Variants in ADAMTS6 observed in about 807,000 individuals in gnomAD.
The protein encoded by ADAMTS6 is ADAM metallopeptidase with thrombospondin type 1 motif 6.
Under a neutral mutation model 144.3 loss-of-function variants are expected in ADAMTS6, and 23 were observed. That is an observed-to-expected ratio of 0.16 (90% CI 0.11 to 0.23). The LOEUF is 0.23. Among genes scored for constraint, ADAMTS6 ranks in the 10% least tolerant of loss-of-function variants. The pLI is 1.00. For missense variants in ADAMTS6, 999 were observed against 1,379.6 expected (o/e 0.72, Z 4.37); for synonymous variants, 444 against 457.5 (o/e 0.97, Z 0.38).
chr5:65,154,350 G>T (rs1419194735), intron 24 of ADAMTS6, among the ~76,000 whole-genome samples: 1 of 152,182 alleles, frequency 6.6e-6, no homozygotes, highest in East Asian at 1.9e-4. Flanking sequence ...CTAGCCTGTG[G>T]GCAGGCTGGA....
At chr5:65,426,725 CA>C (rs966973546) in intron 7 of ADAMTS6, among the ~76,000 whole-genome samples, 86 of 151,796 alleles carry the variant, frequency 5.7e-4, no homozygotes, top group African/African-American at 2.1e-3. Context: ...AAAAACAAAA[CA>C]AAACAAAAAG....
intron 7 of ADAMTS6, among the ~76,000 whole-genome samples, chr5:65,418,550 G>A (rs1157692715): frequency 2.6e-5 from 4 of 152,022 alleles, no homozygotes; most frequent in Non-Finnish European, 5.9e-5. Flanking sequence ...CATTTATTGA[G>A]CTTAATAATA....
intron 14 of ADAMTS6, among the ~76,000 whole-genome samples, chr5:65,245,354 C>T (rs1263976844): frequency 1.3e-5 from 2 of 152,088 alleles, no homozygotes; most frequent in East Asian, 1.9e-4. Context: ...GCAACTCAGG[C>T]AGAAGAAGAA....
chr5:65,323,129 A>G (rs1389686054), intron 9 of ADAMTS6, among the ~76,000 whole-genome samples: 2 of 152,092 alleles, frequency 1.3e-5, no homozygotes, highest in African/African-American at 2.4e-5. Flanking sequence ...TTTTATTGTT[A>G]TTATACTTTA....
Position 65,452,850 on chromosome 5 carries a change from T to C in ADAMTS6, c.700A>G (p.Asn234Asp), listed in dbSNP as rs747043426. ...TGTCTGTGGTGGATATGTGTGTTGT[T>C]AATTGGTAGTGAATAAGAAACAGTG... ...TSTVSYSLPI[N>D]NTHIHHRQKR... Residue 234 changes from asparagine (N) to aspartate (D), a missense_variant, in exon 5 of 25, where the codon AAC becomes GAC. By Grantham distance (23) the Asn-to-Asp change is conservative. Coordinates refer to ENST00000381055, the MANE Select transcript of ADAMTS6 (RefSeq NM_197941.4). The C allele has an allele frequency of 7.6e-5, 123 of 1,614,104 alleles. No individual in the cohort carries two copies. The Middle Eastern group carries it at 8.2e-4, about 11-fold the overall frequency.
chr5:65,358,163 G>A (rs1309516109), intron 7 of ADAMTS6, among the ~76,000 whole-genome samples: 2 of 151,866 alleles, frequency 1.3e-5, no homozygotes, highest in Non-Finnish European at 2.9e-5. Context: ...GGGGATGCAG[G>A]ATGGTTCAAC....
intron 9 of ADAMTS6, among the ~76,000 whole-genome samples, chr5:65,310,400 C>T (rs1279930801): frequency 6.6e-6 from 1 of 152,130 alleles, no homozygotes; most frequent in East Asian, 1.9e-4. Context: ...GTAGCACATG[C>T]CTATGGTCCC....
At chr5:65,235,224 C>A (rs181544266) in intron 15 of ADAMTS6, among the ~76,000 whole-genome samples, 3 of 152,114 alleles carry the variant, frequency 2.0e-5, no homozygotes, top group East Asian at 3.9e-4. Flanking sequence ...ATCATACACA[C>A]AAAAAAGGTA....
intron 21 of ADAMTS6, among the ~76,000 whole-genome samples, chr5:65,194,517 T>TA (rs1755213719): frequency 2.0e-5 from 3 of 152,222 alleles, no homozygotes; most frequent in Admixed American, 6.5e-5. Flanking sequence ...CATTTCAACT[T>TA]GCAATGTTTT....
At chr5:65,356,131 AT>A (rs555200871) in intron 7 of ADAMTS6, among the ~76,000 whole-genome samples, 49 of 151,934 alleles carry the variant, frequency 3.2e-4, no homozygotes, top group Middle Eastern at 3.4e-3. Flanking sequence ...GACTAAAAAA[AT>A]GTTCCCCATT....
At chr5:65,311,746 G>A (rs1420765904) in intron 9 of ADAMTS6, among the ~76,000 whole-genome samples, 1 of 151,890 alleles carries the variant, frequency 6.6e-6, no homozygotes, top group Non-Finnish European at 1.5e-5. Flanking sequence ...GGTTCTGTTG[G>A]GAGATTTGTA....
intron 3 of ADAMTS6, 90 bp from the exon 4 acceptor site, chr5:65,460,428 C>T: frequency 8.3e-7 from 1 of 1,199,454 alleles, no homozygotes; most frequent in East Asian, 2.4e-5. Flanking sequence ...TAAATGGACA[C>T]TTCTCCATTT....
intron 7 of ADAMTS6, among the ~76,000 whole-genome samples, chr5:65,346,986 A>G (rs553876087): frequency 6.6e-6 from 1 of 151,948 alleles, no homozygotes; most frequent in South Asian, 2.1e-4. Context: ...ACATTTAGCC[A>G]AAAAGGTGAA....
intron 7 of ADAMTS6, among the ~76,000 whole-genome samples, chr5:65,421,187 T>C (rs1372633409): frequency 6.6e-6 from 1 of 152,256 alleles, no homozygotes; most frequent in Non-Finnish European, 1.5e-5. Context: ...TTCAAGAGGT[T>C]CCATTCTCTT....
In ADAMTS6 at chr5:65,148,998, T is replaced by A. The variant is rs1186866616; in HGVS notation, c.*2838A>T. 1 of 152,612 alleles carries A rather than the reference T, an allele frequency of 6.6e-6. No individual in the cohort carries two copies. The highest frequency in any genetic ancestry group is 1.5e-5 in the Non-Finnish European group (1 of 68,044). 9.5% of individuals were successfully genotyped at this position (152,612 alleles called of 1,614,324 possible). A position where few individuals can be genotyped will look rare whatever the true frequency, so the allele number is the denominator to read the frequency against. ...ACAACTAATCACAATAATACAAAGG[T>A]AATTTCGTTCTGTGTTACTGAGGAT... On this transcript the variant is annotated 3_prime_UTR_variant, in exon 25 of 25. Coordinates refer to ENST00000381055, the MANE Select transcript of ADAMTS6 (RefSeq NM_197941.4).
At chr5:65,460,540 T>C (rs1021902819) in intron 3 of ADAMTS6, among the ~76,000 whole-genome samples, 2 of 152,226 alleles carry the variant, frequency 1.3e-5, no homozygotes, top group Non-Finnish European at 2.9e-5. Flanking sequence ...TTTAAATACC[T>C]CCATATGCTA....
intron 9 of ADAMTS6, among the ~76,000 whole-genome samples, chr5:65,309,388 G>C (rs1355554823): frequency 7.0e-6 from 1 of 142,800 alleles, no homozygotes; most frequent in Non-Finnish European, 1.5e-5. Context: ...AAGGGCTCTC[G>C]CTCCTATGAG....
intron 15 of ADAMTS6, among the ~76,000 whole-genome samples, chr5:65,237,896 G>A (rs1432700352): frequency 2.0e-5 from 3 of 152,010 alleles, no homozygotes; most frequent in Non-Finnish European, 4.4e-5. Context: ...AGACCAGCCT[G>A]GGCAACATGA....
chr5:65,315,603 G>T (rs1156686076), intron 9 of ADAMTS6, among the ~76,000 whole-genome samples: 1 of 151,982 alleles, frequency 6.6e-6, no homozygotes, highest in African/African-American at 2.4e-5. Context: ...ATACCATAGA[G>T]ATCTGCCATA....
Sources: gnomAD v4.1 joint callset for allele counts (sites outside exome capture counted in the v4.1 genomes callset) on GRCh38, gnomAD v4.1.1 for gene constraint, MANE v1.5 for transcripts, NCBI Gene and HGNC (gene_info 2026-07-23, HGNC 2026-07-21) for gene names.